Variants in DPY19L3 observed in about 807,000 individuals in gnomAD.
DPY19L3 encodes the protein protein C-mannosyl-transferase DPY19L3.
In DPY19L3, 51 loss-of-function variants were observed where a neutral mutation model predicts 92.3. The ratio of observed to expected loss-of-function variants is 0.55; its 90% confidence interval spans 0.44 to 0.70. DPY19L3 has a LOEUF of 0.70. Among genes scored for constraint, DPY19L3 ranks in the 30% least tolerant of loss-of-function variants. The probability of loss-of-function intolerance (pLI) is 0.00; values close to 1 mark genes in which losing one functional copy is unlikely to be tolerated. For missense variants in DPY19L3, 706 were observed against 855.9 expected (o/e 0.82, Z 2.18); for synonymous variants, 309 against 315.2 (o/e 0.98, Z 0.21).
At chr19:32,464,836 G>A (rs754018935) in intron 15 of DPY19L3, 52 bp downstream of exon 15, 2 of 1,250,712 alleles carry the variant, frequency 1.6e-6, no homozygotes. Flanking sequence ...CAGAATAATT[G>A]CTTTGATTCA....
chr19:32,462,579 G>A (rs192610970), intron 12 of DPY19L3, among the ~76,000 whole-genome samples: 146 of 152,154 alleles, frequency 9.6e-4, no homozygotes, highest in African/African-American at 3.2e-3. Flanking sequence ...AGCATGAAAC[G>A]TATAACCACC....
At chr19:32,468,143 G>T in intron 15 of DPY19L3, 1 of 952,896 alleles carries the variant, frequency 1.0e-6, no homozygotes, top group Non-Finnish European at 1.2e-6. Context: ...CTTGTGACTT[G>T]GTCAAGTCAG....
chr19:32,470,149 T>C (rs552073649), intron 16 of DPY19L3, among the ~76,000 whole-genome samples: 7 of 152,372 alleles, frequency 4.6e-5, no homozygotes, highest in African/African-American at 1.7e-4. Context: ...GTGAGTATAA[T>C]TTTTCACATA....
At position 32,411,245 on chromosome 19, in the gene DPY19L3, C is replaced by T; in HGVS notation, c.110C>T (p.Thr37Ile). 1 of 1,609,708 alleles carries T rather than the reference C, an allele frequency of 6.2e-7. No individual in the cohort carries two copies. The highest frequency in any genetic ancestry group is 8.5e-7 in the Non-Finnish European group (1 of 1,179,252). ...KLENKLPSGC[T>I]SRRLWKILSL... Reference sequence around the variant, plus strand: ...TGTTCCATTTTTCCAAAAGGTTGTACCAGTAGAAGATTATGGAAGATTTTG... The same window carrying T: ...TGTTCCATTTTTCCAAAAGGTTGTATCAGTAGAAGATTATGGAAGATTTTG... The change falls in exon 3 of 19, where the codon ACC becomes ATC. Residue 37 changes from threonine to isoleucine, a missense_variant. Transcript: ENST00000392250.
chr19:32,444,964 G>A (rs902163345), intron 8 of DPY19L3, among the ~76,000 whole-genome samples: 14 of 150,964 alleles, frequency 9.3e-5, no homozygotes, highest in African/African-American at 2.7e-4. Flanking sequence ...TGGTAGCAAC[G>A]TGCCTGAGGT....
Position 32,451,671 on chromosome 19 carries a change from T to A in DPY19L3, c.856-1474T>A, listed in dbSNP as rs180977740. On this transcript the variant is annotated intron_variant, in intron 8 of 18. Transcript: ENST00000392250. The stretch of plus-strand genomic sequence containing the variant: ...AAGAAGAAAACTAACAGAATAAGTG[T>A]CCACTCTTTATTAGGGACTGCCTTT... Among the ~76,000 whole-genome samples the A allele has an allele frequency of 2.3e-3, 348 of 152,334 alleles. 1 individual carries two copies. The highest frequency in any genetic ancestry group is 5.4e-3 in the Admixed American group (83 of 15,300).
chr19:32,464,682 A>G (rs1474867883), intron 14 of DPY19L3, 46 bp from the exon 15 acceptor site: 5 of 1,253,696 alleles, frequency 4.0e-6, no homozygotes, highest in Non-Finnish European at 5.5e-6. Context: ...TCAAAAAAGA[A>G]AAGGTTCAAA....
intron 8 of DPY19L3, among the ~76,000 whole-genome samples, chr19:32,445,440 C>CAGAAAAA (rs1969462219): frequency 2.3e-5 from 1 of 42,824 alleles, no homozygotes; most frequent in African/African-American, 1.1e-4. Flanking sequence ...GACTTCATCT[C>CAGAAAAA]AAAAAAAAAA....
chr19:32,454,272 A>C (rs1184368992), intron 9 of DPY19L3, among the ~76,000 whole-genome samples: 1 of 152,168 alleles, frequency 6.6e-6, no homozygotes, highest in Admixed American at 6.5e-5. Flanking sequence ...TGTAGGAATT[A>C]ATGGATAAAA....
At chr19:32,443,659 A>G (rs1170990751) in intron 8 of DPY19L3, among the ~76,000 whole-genome samples, 1 of 152,202 alleles carries the variant, frequency 6.6e-6, no homozygotes, top group Non-Finnish European at 1.5e-5. Flanking sequence ...GTATTTTGTT[A>G]GATAACAGCC....
At chr19:32,476,408 G>A (rs925601559) in intron 16 of DPY19L3, among the ~76,000 whole-genome samples, 39 of 151,786 alleles carry the variant, frequency 2.6e-4, no homozygotes, top group African/African-American at 8.0e-4. Context: ...AACGCAGCCC[G>A]CAGTGTCCTC....
intron 10 of DPY19L3, among the ~76,000 whole-genome samples, chr19:32,457,164 GAAT>G (rs777372885): frequency 7.9e-5 from 12 of 152,150 alleles, no homozygotes; most frequent in Non-Finnish European, 1.8e-4. Context: ...ACTCCCCGAA[GAAT>G]AACATCTGTT....
At chr19:32,451,668 G>C (rs1320913470) in intron 8 of DPY19L3, among the ~76,000 whole-genome samples, 4 of 152,168 alleles carry the variant, frequency 2.6e-5, no homozygotes, top group Non-Finnish European at 5.9e-5. Flanking sequence ...AACAGAATAA[G>C]TGTCCACTCT....
chr19:32,475,274 G>A (rs1970472186), intron 16 of DPY19L3, among the ~76,000 whole-genome samples: 2 of 152,204 alleles, frequency 1.3e-5, no homozygotes, highest in East Asian at 1.9e-4. Context: ...TGCCGGGTTC[G>A]TCTTTTGTGT....
intron 3 of DPY19L3, among the ~76,000 whole-genome samples, chr19:32,423,906 G>A (rs1010480842): frequency 6.6e-6 from 1 of 151,728 alleles, no homozygotes; most frequent in African/African-American, 2.4e-5. Flanking sequence ...CCACCTACTC[G>A]GGAGACTGAG....
At chr19:32,463,848 C>T (rs1439878666) in intron 13 of DPY19L3, 21 bp from the exon 14 acceptor site, 9 of 1,594,672 alleles carry the variant, frequency 5.6e-6, no homozygotes, top group East Asian at 2.2e-5. Context: ...TTCTGACTTG[C>T]GCCTGTGTCT....
intron 3 of DPY19L3, chr19:32,411,582 T>G: frequency 2.1e-6 from 1 of 466,776 alleles, no homozygotes; most frequent in African/African-American, 2.0e-5. Flanking sequence ...ATTTATTTAT[T>G]TTTGAGATGG....
intron 3 of DPY19L3, among the ~76,000 whole-genome samples, chr19:32,421,697 G>A (rs1297780045): frequency 3.3e-5 from 5 of 151,094 alleles, no homozygotes; most frequent in Admixed American, 6.6e-5. Flanking sequence ...GTAAAGTGTC[G>A]TCCTCCAAAG....
In DPY19L3 at chr19:32,483,981, CCT is replaced by C. The variant is rs1453278465; in HGVS notation, c.*1744_*1745del. On this transcript the variant is annotated 3_prime_UTR_variant, in exon 19 of 19. Coordinates refer to ENST00000392250, the MANE Select transcript of DPY19L3 (RefSeq NM_001172774.2). ...GACTCTGTGATTTTGTTTTCAAAATCCTCTGTTATGGCTATATTTAAATTTAT... is the reference window on the plus strand; with the variant it reads ...GACTCTGTGATTTTGTTTTCAAAATCCTGTTATGGCTATATTTAAATTTAT... The C allele has an allele frequency of 6.6e-6, 1 of 152,524 alleles. No individual in the cohort carries two copies. Among genetic ancestry groups the C allele is most frequent in the Non-Finnish European group, 1.5e-5 (1 of 68,020 alleles). 9.4% of individuals were successfully genotyped at this position (152,524 alleles called of 1,614,324 possible). A position where few individuals can be genotyped will look rare whatever the true frequency, so the allele number is the denominator to read the frequency against.
Sources: allele counts gnomAD v4.1 joint callset (sites outside exome capture counted in the v4.1 genomes callset), GRCh38; gene constraint gnomAD v4.1.1; transcripts MANE v1.5; gene names NCBI Gene and HGNC (gene_info 2026-07-23, HGNC 2026-07-21).